The following KIAA1328 variants were observed in gnomAD, a reference collection of about 807,000 sequenced individuals.
The protein encoded by KIAA1328 is protein hinderin.
Under a neutral mutation model 68.1 loss-of-function variants are expected in KIAA1328, and 52 were observed. That is an observed-to-expected ratio of 0.76 (90% CI 0.61 to 0.96). The LOEUF is 0.96. KIAA1328 is among the 40% of genes least tolerant of loss of function. The probability of loss-of-function intolerance (pLI) is 0.00; values close to 1 mark genes in which losing one functional copy is unlikely to be tolerated. For synonymous variants in KIAA1328, 232 were observed against 239.4 expected (o/e 0.97, Z 0.28); for missense variants, 641 against 677.6 (o/e 0.95, Z 0.60).
chr18:36,932,008 A>T (rs1296882621), intron 5 of KIAA1328, among the ~76,000 whole-genome samples: 1 of 152,190 alleles, frequency 6.6e-6, no homozygotes, highest in Non-Finnish European at 1.5e-5. Flanking sequence ...ATATGTACTT[A>T]CATTTAATGG....
intron 6 of KIAA1328, among the ~76,000 whole-genome samples, chr18:37,013,098 T>C (rs2054031306): frequency 6.6e-6 from 1 of 152,106 alleles, no homozygotes. Flanking sequence ...GCCATTTTGG[T>C]GTTAGTTAAT....
At chr18:37,183,741 CT>C (rs1297013566) in intron 9 of KIAA1328, among the ~76,000 whole-genome samples, 1 of 152,208 alleles carries the variant, frequency 6.6e-6, no homozygotes, top group Non-Finnish European at 1.5e-5. Flanking sequence ...TGGTGTCAGT[CT>C]TCTCTATGAA....
chr18:36,988,102 TAA>T (rs962464638), intron 6 of KIAA1328, among the ~76,000 whole-genome samples: 1 of 152,230 alleles, frequency 6.6e-6, no homozygotes, highest in African/African-American at 2.4e-5. Flanking sequence ...ACACAGGCTT[TAA>T]ATGTCACTCT....
At chr18:37,008,335 A>G (rs781474809) in intron 6 of KIAA1328, among the ~76,000 whole-genome samples, 118 of 152,216 alleles carry the variant, frequency 7.8e-4, no homozygotes, top group Non-Finnish European at 2.4e-4. Flanking sequence ...ACTGAACTCA[A>G]ATTAGAACCA....
At position 37,224,952 on chromosome 18, in the gene KIAA1328, G is replaced by C; in HGVS notation, c.*2725G>C. 2 of 985,470 alleles carry C rather than the reference G, an allele frequency of 2.0e-6. No individual in the cohort carries two copies. Among genetic ancestry groups the C allele is most frequent in the Non-Finnish European group, 2.4e-6 (2 of 829,960 alleles). 61.0% of individuals were successfully genotyped at this position (985,470 alleles called of 1,614,324 possible). A position where few individuals can be genotyped will look rare whatever the true frequency, so the allele number is the denominator to read the frequency against. On this transcript the variant is annotated 3_prime_UTR_variant, in exon 10 of 10. Coordinates refer to ENST00000280020, the MANE Select transcript of KIAA1328 (RefSeq NM_020776.3). ...ATGCAGAGAACCAAAGTGAATCATA[G>C]AAAAGCTTTTGCTAACAGTCCGCTT...
At chr18:37,076,122 T>C (rs1170845130) in intron 7 of KIAA1328, among the ~76,000 whole-genome samples, 1 of 152,186 alleles carries the variant, frequency 6.6e-6, no homozygotes, top group Non-Finnish European at 1.5e-5. Context: ...TCAGAAATTA[T>C]AACAAACTGT....
chr18:37,187,369 C>T (rs539511766), intron 9 of KIAA1328, among the ~76,000 whole-genome samples: 1 of 152,178 alleles, frequency 6.6e-6, no homozygotes, highest in South Asian at 2.1e-4. Flanking sequence ...CTGCATCAAG[C>T]TCTTCTCACC....
intron 4 of KIAA1328, among the ~76,000 whole-genome samples, chr18:36,861,390 C>T (rs1285480310): frequency 2.0e-5 from 3 of 152,090 alleles, no homozygotes; most frequent in Non-Finnish European, 4.4e-5. Flanking sequence ...TTATTTTTCT[C>T]TGTGTAATTA....
intron 4 of KIAA1328, among the ~76,000 whole-genome samples, chr18:36,871,850 A>G (rs2047956097): frequency 6.6e-6 from 1 of 151,994 alleles, no homozygotes; most frequent in Non-Finnish European, 1.5e-5. Context: ...AATGGGTAAG[A>G]TTTCAGCTTG....
chr18:37,104,657 C>A (rs1178296919), intron 7 of KIAA1328, among the ~76,000 whole-genome samples: 1 of 152,030 alleles, frequency 6.6e-6, no homozygotes. Context: ...ATTTTCCCAC[C>A]ATAAAGAAAT....
At chr18:36,864,005 A>G (rs2047657478) in intron 4 of KIAA1328, among the ~76,000 whole-genome samples, 1 of 152,082 alleles carries the variant, frequency 6.6e-6, no homozygotes, top group Non-Finnish European at 1.5e-5. Flanking sequence ...TTTTATTTCT[A>G]TTTCTAAACT....
At chr18:37,107,804 A>C (rs982494310) in intron 7 of KIAA1328, among the ~76,000 whole-genome samples, 2 of 152,132 alleles carry the variant, frequency 1.3e-5, no homozygotes, top group Non-Finnish European at 2.9e-5. Context: ...ATCATCAGTG[A>C]AGATAGAGTT....
At position 37,022,309 on chromosome 18, in the gene KIAA1328, A is replaced by G. The variant is rs1237730286; in HGVS notation, c.577-44581A>G. Among the ~76,000 whole-genome samples, 4 of 152,160 alleles carry G rather than the reference A, an allele frequency of 2.6e-5. No homozygotes were observed. In the East Asian group the frequency reaches 5.8e-4, roughly 22 times the overall value. ...TTCAGATAAGGAAGGTATAGATTTT[A>G]ATATTTTAAAACTCATATAATAAGA... On this transcript the variant is annotated intron_variant, in intron 6 of 9. Coordinates refer to ENST00000280020, the MANE Select transcript of KIAA1328 (RefSeq NM_020776.3).
chr18:37,177,933 C>T (rs1010392068), intron 9 of KIAA1328, among the ~76,000 whole-genome samples: 1 of 152,134 alleles, frequency 6.6e-6, no homozygotes, highest in East Asian at 1.9e-4. Flanking sequence ...GAATCTAGCA[C>T]ATCCATCGCC....
At chr18:36,837,514 A>AT (rs890752608) in intron 3 of KIAA1328, among the ~76,000 whole-genome samples, 3 of 151,970 alleles carry the variant, frequency 2.0e-5, no homozygotes, top group Non-Finnish European at 4.4e-5. Context: ...ATTTGCTAAT[A>AT]TTTTTTCTCA....
chr18:36,901,122 G>A (rs1023246270), intron 5 of KIAA1328, among the ~76,000 whole-genome samples: 1 of 151,982 alleles, frequency 6.6e-6, no homozygotes, highest in Non-Finnish European at 1.5e-5. Context: ...ATCTTGAGAT[G>A]CGAGTTTTTC....
intron 6 of KIAA1328, among the ~76,000 whole-genome samples, chr18:37,057,279 T>G (rs931978442): frequency 6.6e-5 from 10 of 152,006 alleles, no homozygotes; most frequent in Non-Finnish European, 1.5e-4. Context: ...CTACAGCAGG[T>G]CATATATAGC....
At chr18:36,833,819 C>T (rs2046580796) in intron 1 of KIAA1328, among the ~76,000 whole-genome samples, 1 of 152,314 alleles carries the variant, frequency 6.6e-6, no homozygotes, top group South Asian at 2.1e-4. Context: ...TATGAATACA[C>T]TGTAGAAGAA....
At chr18:36,852,078 G>A (rs1271198055) in intron 4 of KIAA1328, among the ~76,000 whole-genome samples, 1 of 151,950 alleles carries the variant, frequency 6.6e-6, no homozygotes, top group Admixed American at 6.6e-5. Flanking sequence ...CCACATATTT[G>A]TGCATTTTTT....
Sources: gnomAD v4.1 joint callset for allele counts (sites outside exome capture counted in the v4.1 genomes callset) on GRCh38, gnomAD v4.1.1 for gene constraint, MANE v1.5 for transcripts, NCBI Gene and HGNC (gene_info 2026-07-23, HGNC 2026-07-21) for gene names.